Variants in PATE1 observed in about 807,000 individuals in gnomAD.
PATE1 encodes the protein prostate and testis expressed protein 1.
PATE1 carries 21 observed loss-of-function variants against 13.1 expected under a neutral mutation model. The ratio of observed to expected loss-of-function variants is 1.61; its 90% CI spans 1.14 to 2.31. The LOEUF is 2.31. Ranked by LOEUF, PATE1 falls within the 30% of genes most tolerant of loss-of-function variation. The pLI is 0.00. For missense variants in PATE1, 166 were observed against 147.2 expected (o/e 1.13, Z -0.66); for synonymous variants, 52 against 47.1 (o/e 1.10, Z -0.43).
At position 125,748,658 on chromosome 11, in the gene PATE1, A is replaced by C; in HGVS notation, c.306A>C (p.Lys102Asn). ...GCCTAAAGAACTGTGCTGATGTGAAAGGCATAAGGTGGAGTGTCTATTTGG... is the reference window on the plus strand; with the variant it reads ...GCCTAAAGAACTGTGCTGATGTGAACGGCATAAGGTGGAGTGTCTATTTGG... Reference protein sequence around the residue: ...MGCLKNCADVKGIRWSVYLVN... With the variant: ...MGCLKNCADVNGIRWSVYLVN... Residue 102 changes from lysine to asparagine, a missense_variant, in exon 5 of 5, where the codon AAA becomes AAC. Transcript: ENST00000305738. The C allele has an allele frequency of 6.2e-7, 1 of 1,613,936 alleles. No homozygotes were observed. The highest frequency in any genetic ancestry group is 1.6e-4 in the Middle Eastern group (1 of 6,062).
chr11:125,746,775 GGGCC>G, intron 2 of PATE1, 79 bp downstream of exon 2: 1 of 1,536,386 alleles, frequency 6.5e-7, no homozygotes, highest in Non-Finnish European at 9.0e-7. Context: ...TGAGCACCAG[GGGCC>G]AAAAAAAACC....
intron 2 of PATE1, 49 bp from the exon 3 acceptor site, chr11:125,747,327 T>A (rs760163488): frequency 6.3e-7 from 1 of 1,580,996 alleles, no homozygotes; most frequent in Admixed American, 1.7e-5. Context: ...AATACAAGAG[T>A]AAATCTCAGG....
intron 2 of PATE1, among the ~76,000 whole-genome samples, 159 bp downstream of exon 2, chr11:125,746,855 G>A (rs758141788): frequency 1.3e-5 from 2 of 152,154 alleles, no homozygotes; most frequent in South Asian, 4.1e-4. Flanking sequence ...AGCTGGCATG[G>A]GAGCTGATTT....
Position 125,747,728 on chromosome 11 carries a change from C to T in PATE1, c.153C>T (p.Cys51=), listed in dbSNP as rs372098061. ...TAGAAATTGTTCAGTGTAGGATGTG[C>T]CACCTCCAGTTCCCAGGAGAAAAGT... ...PVIEIVQCRM[C]HLQFPGEKCS... The change falls in exon 4 of 5, where the codon TGC becomes TGT. Residue 51 remains cysteine, a synonymous_variant. Transcript: ENST00000305738. 5.6e-6 allele frequency: 9 copies of T among 1,613,470 alleles called. No homozygotes were observed. The highest frequency in any genetic ancestry group is 2.2e-5 in the East Asian group (1 of 44,880).
intron 4 of PATE1, 87 bp downstream of exon 4, chr11:125,747,909 T>C (rs1247363460): frequency 6.4e-7 from 1 of 1,564,946 alleles, no homozygotes; most frequent in East Asian, 2.3e-5. Context: ...GATCTTACTT[T>C]ACTTTTACTA....
At position 125,747,800 on chromosome 11, in the gene PATE1, C is replaced by G. The variant is rs751378668; in HGVS notation, c.225C>G (p.Cys75Trp). ...GCACAGCAACAACAGAAGAGGCCTGCATGGTTGGAAGGATGTTCAAAAGTA... is the reference window on the plus strand; with the variant it reads ...GCACAGCAACAACAGAAGAGGCCTGGATGGTTGGAAGGATGTTCAAAAGTA... ...GICTATTEEA[C>W]MVGRMFKRDG... is the part of the protein sequence containing the mutation. Residue 75 changes from cysteine (C) to tryptophan (W), a missense_variant, in exon 4 of 5, where the codon TGC becomes TGG. By Grantham distance (215) the Cys-to-Trp change is radical (BLOSUM62 -2). Coordinates refer to ENST00000305738, the MANE Select transcript of PATE1 (RefSeq NM_138294.3). 260 of 1,613,642 alleles carry G rather than the reference C, an allele frequency of 1.6e-4. 1 individual carries two copies. Among genetic ancestry groups the G allele is most frequent in the Non-Finnish European group, 2.2e-4 (254 of 1,179,792 alleles).
chr11:125,748,454 G>A, intron 4 of PATE1, 146 bp from the exon 5 acceptor site: 1 of 1,019,530 alleles, frequency 9.8e-7, no homozygotes, highest in South Asian at 1.8e-5. Context: ...CCCCCAGCTT[G>A]CAACATCTTC....
intron 1 of PATE1, 30 bp from the exon 2 acceptor site, chr11:125,746,631 A>C (rs763584552): frequency 6.2e-7 from 1 of 1,613,220 alleles, no homozygotes; most frequent in South Asian, 1.1e-5. Context: ...TGAGGTCTGC[A>C]GACAGTGTAT....
rs752734723 is a variant in PATE1, at chr11:125,747,387, G to T, written c.100G>T (p.Val34Phe). Residue 34 changes from valine (V) to phenylalanine (F), a missense_variant, in exon 3 of 5, where the codon GTT becomes TTT. Transcript: ENST00000305738. ...SMRNDAVNEIVAVKNNFPVIE... is the reference protein window; with the variant it reads ...SMRNDAVNEIFAVKNNFPVIE... ...TCTTGCCAGTACAGTCAATGAAATA[G>T]TTGCTGTGAAAAACAATTTTCCTGG... 3.1e-6 allele frequency: 5 copies of T among 1,612,280 alleles called. No individual in the cohort carries two copies. The Admixed American group carries it at 8.3e-5, about 27-fold the overall frequency.
intron 3 of PATE1, 119 bp downstream of exon 3, chr11:125,747,530 C>G: frequency 2.1e-6 from 3 of 1,404,262 alleles, no homozygotes; most frequent in Non-Finnish European, 3.0e-6. Context: ...GACCATAAAC[C>G]TCAATCACTC....
chr11:125,747,667 T>G (rs965841727), intron 3 of PATE1, 33 bp from the exon 4 acceptor site: 3 of 1,610,506 alleles, frequency 1.9e-6, no homozygotes, highest in African/African-American at 2.7e-5. Flanking sequence ...GTGCCATCTT[T>G]TCTCACTTCT....
At position 125,748,625 on chromosome 11, in the gene PATE1, C is replaced by T; in HGVS notation, c.273C>T (p.Phe91=). Residue 91 remains phenylalanine, a synonymous_variant, in exon 5 of 5, where the codon TTC becomes TTT. Transcript: ENST00000305738. ...FKRDGNPWLT[F]MGCLKNCADV... ...GGGATGGTAATCCCTGGTTAACCTT[C>T]ATGGGCTGCCTAAAGAACTGTGCTG... The T allele has an allele frequency of 6.2e-7, 1 of 1,613,740 alleles. No individual in the cohort carries two copies. Among genetic ancestry groups the T allele is most frequent in the South Asian group, 1.1e-5 (1 of 91,042 alleles).
rs953296859 is a variant in PATE1 at position 125,747,638 on chromosome 11, G to C, written c.125-62G>C. 5.0e-6 allele frequency: 8 copies of C among 1,601,232 alleles called. No individual in the cohort carries two copies. In the Admixed American group the frequency reaches 1.3e-4, roughly 27 times the overall value. Reference sequence around the variant, plus strand: ...GGCAGACTTCTAACCCAAAAGGGGAGAGGGGTTCTTTCCTGGTAGTGCCAT... The same window carrying C: ...GGCAGACTTCTAACCCAAAAGGGGACAGGGGTTCTTTCCTGGTAGTGCCAT... On this transcript the variant is annotated intron_variant, in intron 3 of 4. Transcript: ENST00000305738.
intron 4 of PATE1, 130 bp from the exon 5 acceptor site, chr11:125,748,470 C>T: frequency 8.6e-7 from 1 of 1,160,482 alleles, no homozygotes; most frequent in South Asian, 1.7e-5. Flanking sequence ...TCTTCCAGTT[C>T]TTTACATTTG....
chr11:125,747,263 T>G, intron 2 of PATE1, 113 bp from the exon 3 acceptor site: 1 of 910,380 alleles, frequency 1.1e-6, no homozygotes. Context: ...GGGCCTGGAA[T>G]GGCTCCAGTT....
Position 125,746,712 on chromosome 11 carries a change from T to C in PATE1, c.88+16T>C. On this transcript the variant is annotated intron_variant, in intron 2 of 4. Transcript: ENST00000305738. ...AATGATGCAGGTGAGTAGGAATAGA[T>C]AAGTGGTATGAGAAGGGGAAGGTCT... The C allele has an allele frequency of 6.2e-7, 1 of 1,612,750 alleles. No homozygotes were observed.
Position 125,749,359 on chromosome 11 carries a change from C to G in PATE1, c.*626C>G, listed in dbSNP as rs914473809. The stretch of plus-strand genomic sequence containing the variant: ...CTTCTAGAATCAGATCTGTTTGGGG[C>G]TGGGGGTTGGAGAATAAAAGCAGGA... On this transcript the variant is annotated 3_prime_UTR_variant, in exon 5 of 5. Transcript: ENST00000305738. 1.6e-5 allele frequency: 2 copies of G among 127,626 alleles called. No individual in the cohort carries two copies. Among genetic ancestry groups the G allele is most frequent in the African/African-American group, 6.7e-5 (2 of 29,898 alleles). The allele number at this position is 127,626 out of a possible 1,614,324, so 7.9% of individuals were successfully genotyped here.
chr11:125,747,648 T>C, intron 3 of PATE1, 52 bp from the exon 4 acceptor site: 1 of 1,606,648 alleles, frequency 6.2e-7, no homozygotes, highest in Non-Finnish European at 8.5e-7. Context: ...GAGGGGTTCT[T>C]TCCTGGTAGT....
Position 125,746,301 on chromosome 11 carries a change from CA to C in PATE1, c.1del. On this transcript the variant is annotated 5_prime_UTR_variant, in exon 1 of 5. Coordinates refer to ENST00000305738, the MANE Select transcript of PATE1 (RefSeq NM_138294.3). ...GCTGTAGCCTGGCCCTCCCTCTTTC[CA>C]AAATGGACAAGTCCCTCTTGCTGGA... is the stretch of plus-strand genomic sequence containing the variant. 1 of 1,613,894 alleles carries C rather than the reference CA, an allele frequency of 6.2e-7. No individual in the cohort carries two copies. Among genetic ancestry groups the C allele is most frequent in the Non-Finnish European group, 8.5e-7 (1 of 1,179,798 alleles).
Sources: allele counts gnomAD v4.1 joint callset (sites outside exome capture counted in the v4.1 genomes callset), GRCh38; gene constraint gnomAD v4.1.1; transcripts MANE v1.5; gene names NCBI Gene and HGNC (gene_info 2026-07-23, HGNC 2026-07-21).